Variants in LRFN5 observed in about 807,000 individuals in gnomAD.
LRFN5 encodes leucine rich repeat and fibronectin type III domain containing 5, also known as leucine-rich repeat and fibronectin type-III domain-containing protein 5.
LRFN5 carries 24 observed loss-of-function variants against 45.6 expected under a neutral mutation model. The ratio of observed to expected loss-of-function variants is 0.53; its 90% CI spans 0.38 to 0.74. LRFN5 has a LOEUF of 0.74. Among genes scored for constraint, LRFN5 ranks in the 30% least tolerant of loss-of-function variants. The probability of loss-of-function intolerance (pLI) is 0.00; values close to 1 mark genes in which losing one functional copy is unlikely to be tolerated. For missense variants in LRFN5, 776 were observed against 861.5 expected (o/e 0.90, Z 1.24); for synonymous variants, 340 against 313.8 (o/e 1.08, Z -0.88).
At chr14:41,895,112 T>G in intron 4 of LRFN5, 1 of 923,938 alleles carries the variant, frequency 1.1e-6, no homozygotes, top group South Asian at 5.0e-5. Context: ...ACTTCAAACT[T>G]TTTTTAAAAT....
At chr14:41,846,930 G>T (rs952214623) in intron 2 of LRFN5, among the ~76,000 whole-genome samples, 1 of 151,948 alleles carries the variant, frequency 6.6e-6, no homozygotes, top group Non-Finnish European at 1.5e-5. Context: ...GTTGGGCCCC[G>T]TCCCCTCATG....
chr14:41,693,996 A>T (rs909106731), intron 1 of LRFN5, among the ~76,000 whole-genome samples: 1 of 151,574 alleles, frequency 6.6e-6, no homozygotes, highest in African/African-American at 2.4e-5. Context: ...GATTTTGGCA[A>T]TTATTTTTCT....
At chr14:41,730,420 T>C (rs982547604) in intron 1 of LRFN5, among the ~76,000 whole-genome samples, 10 of 152,022 alleles carry the variant, frequency 6.6e-5, no homozygotes, top group South Asian at 4.1e-4. Flanking sequence ...CAATGCACTT[T>C]GCTAGATTTA....
At position 41,871,186 on chromosome 14, in the gene LRFN5, TA is replaced by T. The variant is rs913225741; in HGVS notation, c.-20-15412del. 2.2e-4 allele frequency among the ~76,000 whole-genome samples: 33 copies of T among 151,914 alleles called. No homozygotes were observed. The South Asian group carries it at 2.5e-3, about 11-fold the overall frequency. ...AAAGTAGATACTAGATTTATCTCAT[TA>T]AAAAAAATGCTTGCATCAATAGCTT... is the stretch of plus-strand genomic sequence containing the variant. On this transcript the variant is annotated intron_variant, in intron 2 of 5. Transcript: ENST00000298119.
intron 2 of LRFN5, among the ~76,000 whole-genome samples, chr14:41,877,994 T>TTA (rs1298257594): frequency 2.6e-5 from 4 of 152,070 alleles, no homozygotes; most frequent in Admixed American, 6.6e-5. Flanking sequence ...TTGTTCCAGG[T>TTA]TATATATATA....
chr14:41,664,246 G>T (rs889328347), intron 1 of LRFN5, among the ~76,000 whole-genome samples: 1 of 151,976 alleles, frequency 6.6e-6, no homozygotes, highest in Admixed American at 6.6e-5. Flanking sequence ...ATACTATCAA[G>T]AATAGCTAAT....
At chr14:41,739,965 G>T (rs1046430938) in intron 1 of LRFN5, among the ~76,000 whole-genome samples, 7 of 151,614 alleles carry the variant, frequency 4.6e-5, no homozygotes, top group Non-Finnish European at 8.8e-5. Flanking sequence ...AAAATTCCTA[G>T]AAACATGTAA....
intron 1 of LRFN5, among the ~76,000 whole-genome samples, chr14:41,636,766 A>G (rs1879326676): frequency 6.6e-6 from 1 of 152,120 alleles, no homozygotes. Flanking sequence ...TTTATTACTT[A>G]CAGATAAGCA....
At chr14:41,861,312 G>A (rs997237196) in intron 2 of LRFN5, among the ~76,000 whole-genome samples, 8 of 151,932 alleles carry the variant, frequency 5.3e-5, no homozygotes, top group African/African-American at 9.7e-5. Context: ...TTGCTTATTC[G>A]TTGTTTCTTT....
intron 1 of LRFN5, among the ~76,000 whole-genome samples, chr14:41,716,921 G>A (rs530446524): frequency 6.6e-6 from 1 of 152,134 alleles, no homozygotes; most frequent in Non-Finnish European, 1.5e-5. Flanking sequence ...TCTCCTTCAA[G>A]TCAGAGCCCA....
chr14:41,695,189 T>A (rs879193052), intron 1 of LRFN5, among the ~76,000 whole-genome samples: 1 of 151,926 alleles, frequency 6.6e-6, no homozygotes, highest in Non-Finnish European at 1.5e-5. Context: ...CCCTAACTCA[T>A]GTCAATTCTA....
intron 2 of LRFN5, among the ~76,000 whole-genome samples, chr14:41,791,435 T>G (rs745364793): frequency 2.0e-5 from 3 of 152,022 alleles, no homozygotes; most frequent in Non-Finnish European, 4.4e-5. Flanking sequence ...CAATTATGTC[T>G]GAAAATAAAG....
intron 1 of LRFN5, among the ~76,000 whole-genome samples, chr14:41,627,714 A>C (rs918465736): frequency 6.6e-6 from 1 of 152,160 alleles, no homozygotes; most frequent in Non-Finnish European, 1.5e-5. Flanking sequence ...CCATTTTTCT[A>C]TGCTGGTATA....
chr14:41,632,292 T>C (rs1292251683), intron 1 of LRFN5, among the ~76,000 whole-genome samples: 2 of 152,180 alleles, frequency 1.3e-5, no homozygotes, highest in Non-Finnish European at 2.9e-5. Context: ...GTTAATCTCA[T>C]AACGGCCCTT....
At chr14:41,896,618 A>G (rs1293823177) in intron 4 of LRFN5, among the ~76,000 whole-genome samples, 1 of 152,242 alleles carries the variant, frequency 6.6e-6, no homozygotes, top group African/African-American at 2.4e-5. Context: ...ATCAAAATTA[A>G]TATTTGAATT....
intron 1 of LRFN5, among the ~76,000 whole-genome samples, chr14:41,650,945 T>C (rs1182629799): frequency 6.9e-6 from 1 of 145,216 alleles, no homozygotes; most frequent in African/African-American, 2.6e-5. Context: ...GAGAGGAATA[T>C]GGCGTTTATG....
chr14:41,807,133 A>T (rs188770327), intron 2 of LRFN5, among the ~76,000 whole-genome samples: 3 of 152,306 alleles, frequency 2.0e-5, no homozygotes, highest in East Asian at 1.9e-4. Context: ...TGTAAGAAGG[A>T]TGTGTAATGC....
chr14:41,885,546 T>A (rs923896418), intron 2 of LRFN5, among the ~76,000 whole-genome samples: 1 of 152,104 alleles, frequency 6.6e-6, no homozygotes, highest in South Asian at 2.1e-4. Flanking sequence ...CAGAATATAA[T>A]ATCTTGTTGA....
intron 1 of LRFN5, among the ~76,000 whole-genome samples, chr14:41,760,955 G>T (rs563729269): frequency 6.6e-6 from 1 of 152,038 alleles, no homozygotes; most frequent in Non-Finnish European, 1.5e-5. Flanking sequence ...TGTCCATTTG[G>T]ACTAATAAAG....
Sources: allele counts gnomAD v4.1 joint callset (sites outside exome capture counted in the v4.1 genomes callset), GRCh38; gene constraint gnomAD v4.1.1; transcripts MANE v1.5; gene names NCBI Gene and HGNC (gene_info 2026-07-23, HGNC 2026-07-21).